RASAL3: variants seen among roughly 807,000 people sequenced by gnomAD.
RASAL3 encodes the protein RAS protein activator like-3.
Under a neutral mutation model 105.5 loss-of-function variants are expected in RASAL3, and 74 were observed. The observed-to-expected ratio is 0.70, with a 90% CI of 0.58 to 0.85. RASAL3 has a LOEUF of 0.85. RASAL3 is among the 40% of genes least tolerant of loss of function. The probability of loss-of-function intolerance (pLI) is 0.00; values close to 1 mark genes in which losing one functional copy is unlikely to be tolerated. For missense variants in RASAL3, 1,352 were observed against 1,392.0 expected (o/e 0.97, Z 0.46); for synonymous variants, 579 against 591.6 (o/e 0.98, Z 0.31).
chr19:15,461,433 T>C (rs761231632), intron 3 of RASAL3, 38 bp downstream of exon 3: 2 of 1,540,388 alleles, frequency 1.3e-6, no homozygotes, highest in South Asian at 1.2e-5. Flanking sequence ...TCCTTTTTCT[T>C]TCTTCCCTCC....
intron 2 of RASAL3, 130 bp from the exon 3 acceptor site, chr19:15,461,737 G>C: frequency 1.5e-6 from 2 of 1,327,674 alleles, no homozygotes; most frequent in East Asian, 2.8e-5. Flanking sequence ...GTATCAGACT[G>C]TATGACCTTG....
chr19:15,458,226 G>T (rs1970389961), intron 8 of RASAL3, 102 bp downstream of exon 8: 2 of 1,073,490 alleles, frequency 1.9e-6, no homozygotes, highest in South Asian at 1.4e-5. Context: ...CAGGTGTGTT[G>T]GGGGCGCGGG....
chr19:15,463,867 G>C (rs777993622), intron 2 of RASAL3, among the ~76,000 whole-genome samples, 164 bp downstream of exon 2: 2 of 152,138 alleles, frequency 1.3e-5, no homozygotes, highest in South Asian at 4.1e-4. Flanking sequence ...ACCCTCTTTA[G>C]GGGGAAAGAG....
In RASAL3 at chr19:15,456,928, TC is replaced by T; in HGVS notation, c.1432-283del. ...AGCTTAGGCTCCGCTCTTCAAGGTG[TC>T]CCGCCCCTTATGGGTGATAATTAGG... On this transcript the variant is annotated intron_variant, in intron 9 of 17. Coordinates refer to ENST00000343625, the MANE Select transcript of RASAL3 (RefSeq NM_022904.3). The surrounding 1 kb of genome is among the most constrained non-coding windows in gnomAD (Gnocchi z 4.4). The T allele has an allele frequency of 1.9e-6, 1 of 522,224 alleles. No individual in the cohort carries two copies. Among genetic ancestry groups the T allele is most frequent in the East Asian group, 3.3e-5 (1 of 30,696 alleles). The allele number at this position is 522,224 out of a possible 1,614,324, so 32.3% of individuals were successfully genotyped here. A position where few individuals can be genotyped will look rare whatever the true frequency, so the allele number is the denominator to read the frequency against.
rs1970372835 is a variant in RASAL3, at chr19:15,457,742, G to T, written c.981C>A (p.Arg327=). Residue 327 remains arginine, a synonymous_variant, in exon 9 of 18, where the codon CGC becomes CGA. Transcript: ENST00000343625. The surrounding 1 kb of genome is among the most constrained non-coding windows in gnomAD (Gnocchi z 8.6). ...GCGCGCCATCCAGCCACAGCTCGGC[G>T]CGCACGCCGGGTGCCCCCGCCGCTG... ...PRAAAGAPGV[R]AELWLDGALL... The T allele has an allele frequency of 6.5e-7, 1 of 1,541,670 alleles. No homozygotes were observed. The highest frequency in any genetic ancestry group is 2.5e-5 in the East Asian group (1 of 40,286).
intron 11 of RASAL3, among the ~76,000 whole-genome samples, chr19:15,455,649 G>A (rs894264815): frequency 2.0e-5 from 3 of 152,240 alleles, no homozygotes; most frequent in African/African-American, 4.8e-5. Flanking sequence ...TTCAGATAAC[G>A]GAGTGATTTT....
chr19:15,460,282 G>T, intron 5 of RASAL3, 24 bp from the exon 6 acceptor site: 1 of 1,597,594 alleles, frequency 6.3e-7, no homozygotes, highest in Non-Finnish European at 8.5e-7. Flanking sequence ...AATGTCAGCT[G>T]GACAGAAATC....
chr19:15,457,479 A>AGCGCTGCGCCCGCC lies in RASAL3; in HGVS notation c.1230_1243dup (p.Leu415ArgfsTer71), dbSNP rs1970361874. On this transcript the variant is annotated frameshift_variant, in exon 9 of 18. Coordinates refer to ENST00000343625, the MANE Select transcript of RASAL3 (RefSeq NM_022904.3). LOFTEE classifies it high-confidence loss of function. This position sits in a 1 kb window ranked among gnomAD's most constrained non-coding sequence, Gnocchi z 8.6. ...GCGACGCGCCCGAATCCGCGCCCGC[A>AGCGCTGCGCCCGCC]GCGCTGCGCCCGCCGGCGCCCCGAG... 1 of 1,256,148 alleles carries AGCGCTGCGCCCGCC rather than the reference A, an allele frequency of 8.0e-7. No individual in the cohort carries two copies. The highest frequency in any genetic ancestry group is 1.6e-5 in the African/African-American group (1 of 61,468). The allele number at this position is 1,256,148 out of a possible 1,614,324, so 77.8% of individuals were successfully genotyped here.
chr19:15,452,745 G>T lies in RASAL3; in HGVS notation c.2741C>A (p.Ser914Ter). 1 of 1,560,610 alleles carries T rather than the reference G, an allele frequency of 6.4e-7. No homozygotes were observed. The highest frequency in any genetic ancestry group is 8.7e-7 in the Non-Finnish European group (1 of 1,152,048). The change falls in exon 16 of 18, where the codon TCG becomes TAG. Residue 914 changes from serine to a stop codon, truncating the protein, a stop_gained. Transcript: ENST00000343625. LOFTEE classifies it high-confidence loss of function. ...EQKVLSRLVESLSTQIRALTE... is the reference protein window; with the variant it reads ...EQKVLSRLVE ...CAAGGCCCGGATTTGGGTGCTCAGC[G>T]ACTCCACGAGGCGGGACAGCACTTT... is the stretch of plus-strand genomic sequence containing the variant.
At chr19:15,460,040 T>C (rs1437462044) in intron 6 of RASAL3, among the ~76,000 whole-genome samples, 163 bp downstream of exon 6, 2 of 152,192 alleles carry the variant, frequency 1.3e-5, no homozygotes, top group African/African-American at 4.8e-5. Flanking sequence ...GCCCCCACCC[T>C]GGCTCTGTGC....
At position 15,452,664 on chromosome 19, in the gene RASAL3, C is replaced by T. The variant is rs377759857; in HGVS notation, c.2822G>A (p.Arg941His). The T allele has an allele frequency of 1.9e-6, 3 of 1,545,882 alleles. No homozygotes were observed. Among genetic ancestry groups the T allele is most frequent in the Admixed American group, 2.0e-5 (1 of 50,546 alleles). ...TGGAGAGGGCTGGGCTCACCCAGCACGGAGCCTGGAGTCCAGATCCTGCAG... is the reference window on the plus strand; with the variant it reads ...TGGAGAGGGCTGGGCTCACCCAGCATGGAGCCTGGAGTCCAGATCCTGCAG... ...GQLQDLDSRL[R>H]AGSSEFDSEH... The change falls in exon 16 of 18, where the codon CGT becomes CAT. Residue 941 changes from arginine (R) to histidine (H), a missense_variant. Around this residue, in one of 3 missense-constraint regions of RASAL3, gnomAD observed 920 missense variants for 919.6 expected, o/e 1.00. Coordinates refer to ENST00000343625, the MANE Select transcript of RASAL3 (RefSeq NM_022904.3).
chr19:15,453,454 G>C lies in RASAL3; in HGVS notation c.2323C>G (p.Leu775Val), dbSNP rs1002156484. The C allele has an allele frequency of 7.8e-6, 12 of 1,544,790 alleles. No homozygotes were observed. Among genetic ancestry groups the C allele is most frequent in the Non-Finnish European group, 9.5e-6 (11 of 1,156,444 alleles). Residue 775 changes from leucine (L) to valine (V), a missense_variant, in exon 15 of 18, where the codon CTC becomes GTC. Leu to Val is a conservative substitution (Grantham distance 32). Around this residue, in one of 3 missense-constraint regions of RASAL3, gnomAD observed 920 missense variants for 919.6 expected, o/e 1.00. Transcript: ENST00000343625. This position sits in a 1 kb window ranked among gnomAD's most constrained non-coding sequence, Gnocchi z 4.2. ...EKPGFLAPRD[L>V]PKHTPLISKS... Reference sequence around the variant, plus strand: ...GAGATGAGAGGGGTGTGCTTGGGGAGGTCCCGGGGGGCCAGGAAGCCGGGC... The same window carrying C: ...GAGATGAGAGGGGTGTGCTTGGGGACGTCCCGGGGGGCCAGGAAGCCGGGC...
rs150477170 is a variant in RASAL3 at position 15,451,776 on chromosome 19, A to G, written c.*19T>C. 1.2e-4 allele frequency: 191 copies of G among 1,577,976 alleles called. 1 individual carries two copies. The African/African-American group carries it at 2.2e-3, about 18-fold the overall frequency. ...TCTCTCTGCTCCCAGACCACGTGTG[A>G]TGAGGCAGGATGGGCAGCTCAGGTG... On this transcript the variant is annotated 3_prime_UTR_variant, in exon 18 of 18. Coordinates refer to ENST00000343625, the MANE Select transcript of RASAL3 (RefSeq NM_022904.3).
Position 15,454,529 on chromosome 19 carries a change from C to T in RASAL3, c.1992G>A (p.Met664Ile), listed in dbSNP as rs267605316. The change falls in exon 13 of 18, where the codon ATG (methionine) becomes ATA (isoleucine). Residue 664 changes from methionine to isoleucine, a missense_variant. Physicochemically the swap from Met to Ile is conservative, Grantham distance 10. This residue lies in a region of RASAL3 where 920 missense variants were observed against 919.6 expected (regional missense o/e 1.00). Transcript: ENST00000343625. ...GTCCATGTTCCTCCAGGAAGCTATT[C>T]ATGAAGCCCATGTAGGCCTCCTTCT... ...FGEKEAYMGFMNSFLEEHGPA... is the reference protein window; with the variant it reads ...FGEKEAYMGFINSFLEEHGPA... 4.3e-6 allele frequency: 7 copies of T among 1,614,020 alleles called. No individual in the cohort carries two copies. The highest frequency in any genetic ancestry group is 5.9e-6 in the Non-Finnish European group (7 of 1,179,902).
In RASAL3 at chr19:15,456,753, G is replaced by C; in HGVS notation, c.1432-107C>G. 7.5e-7 allele frequency: 1 copy of C among 1,340,356 alleles called. No individual in the cohort carries two copies. The highest frequency in any genetic ancestry group is 1.0e-6 in the Non-Finnish European group (1 of 979,104). 83.0% of individuals were successfully genotyped at this position (1,340,356 alleles called of 1,614,324 possible). A position where few individuals can be genotyped will look rare whatever the true frequency, so the allele number is the denominator to read the frequency against. On this transcript the variant is annotated intron_variant, in intron 9 of 17. Transcript: ENST00000343625. The surrounding 1 kb of genome is among the most constrained non-coding windows in gnomAD (Gnocchi z 4.4). ...AGAGGCACAGGCCCCGCCCCTTGTA[G>C]CTGATGCTTAGGCCCAGTCCTTACT...
chr19:15,453,622 G>C lies in RASAL3; in HGVS notation c.2280-125C>G, dbSNP rs370547823. On this transcript the variant is annotated intron_variant, in intron 14 of 17. Coordinates refer to ENST00000343625, the MANE Select transcript of RASAL3 (RefSeq NM_022904.3). This position sits in a 1 kb window ranked among gnomAD's most constrained non-coding sequence, Gnocchi z 4.2. ...CTTTCTTTTTTTTTTTTGAGACAAG[G>C]TCTTGCTCTGTCGCCCAGGCTGGAG... 1.0e-6 allele frequency: 1 copy of C among 958,312 alleles called. No homozygotes were observed. The allele number at this position is 958,312 out of a possible 1,614,324, so 59.4% of individuals were successfully genotyped here.
chr19:15,454,714 G>A lies in RASAL3; in HGVS notation c.1901C>T (p.Pro634Leu), dbSNP rs746110659. The A allele has an allele frequency of 1.9e-6, 3 of 1,611,314 alleles. No homozygotes were observed. Among genetic ancestry groups the A allele is most frequent in the Admixed American group, 3.4e-5 (2 of 59,522 alleles). Residue 634 changes from proline to leucine, a missense_variant, in exon 12 of 18, where the codon CCA becomes CTA. Pro to Leu is a moderately conservative substitution (Grantham distance 98, BLOSUM62 -3). Around this residue, in one of 3 missense-constraint regions of RASAL3, gnomAD observed 920 missense variants for 919.6 expected, o/e 1.00. Coordinates refer to ENST00000343625, the MANE Select transcript of RASAL3 (RefSeq NM_022904.3). ...GLAPDHPAPG[P>L]ARTLTLIAKV... ...GGCAATCAGTGTGAGGGTGCGGGCT[G>A]GGCCGGGTGCTGGATGGTCTGGTGC...
At position 15,452,033 on chromosome 19, in the gene RASAL3, T is replaced by C. The variant is rs138503106; in HGVS notation, c.2892+12A>G. 397 of 1,613,970 alleles carry C rather than the reference T, an allele frequency of 2.5e-4. 3 individuals carry two copies. The African/African-American group carries it at 4.1e-3, about 17-fold the overall frequency. ...GCCCAGACCTGCCCCAGGGCTCAGA[T>C]GGCAATCTCACCAGGTTTTTCAGAC... On this transcript the variant is annotated intron_variant, in intron 17 of 17. Transcript: ENST00000343625.
Position 15,458,546 on chromosome 19 carries a change from C to T in RASAL3, c.772G>A (p.Glu258Lys). 1.2e-6 allele frequency: 2 copies of T among 1,613,750 alleles called. No homozygotes were observed. Among genetic ancestry groups the T allele is most frequent in the South Asian group, 1.1e-5 (1 of 91,014 alleles). Residue 258 changes from glutamate to lysine, a missense_variant, in exon 7 of 18, where the codon GAG becomes AAG. By Grantham distance (56) the Glu-to-Lys change is moderately conservative. Around this residue, in one of 3 missense-constraint regions of RASAL3, gnomAD observed 88 missense variants for 132.7 expected, o/e 0.66. Transcript: ENST00000343625. ...IWPLHPSLLG[E>K]PHCFQVTWTG... Reference sequence around the variant, plus strand: ...ACACTTACCTGAAAGCAGTGGGGCTCCCCCAGGAGGCTGGGGTGCAGTGGC... The same window carrying T: ...ACACTTACCTGAAAGCAGTGGGGCTTCCCCAGGAGGCTGGGGTGCAGTGGC...
Sources: allele counts gnomAD v4.1 joint callset (sites outside exome capture counted in the v4.1 genomes callset), GRCh38; gene constraint gnomAD v4.1.1; regional missense constraint gnomAD v4.1.1; non-coding constraint Gnocchi (gnomAD v3.1); transcripts MANE v1.5; gene names NCBI Gene and HGNC (gene_info 2026-07-23, HGNC 2026-07-21).